Variants in EIF3B observed in about 807,000 individuals in gnomAD.
The protein encoded by EIF3B is eukaryotic translation initiation factor 3 subunit 9.
Under a neutral mutation model 104.6 loss-of-function variants are expected in EIF3B, and 10 were observed. That is an observed-to-expected ratio of 0.10 (90% CI 0.06 to 0.16). The LOEUF (loss-of-function observed/expected upper bound fraction) is 0.16, where lower values mean the gene tolerates loss of function less well. Ranked by LOEUF, EIF3B falls within the 10% of genes least tolerant of loss-of-function variation. The pLI, the probability that EIF3B is intolerant of heterozygous loss-of-function variation, is 1.00. For missense variants in EIF3B, 1,014 were observed against 1,087.9 expected, an observed-to-expected ratio of 0.93 and a Z score of 0.96; for synonymous variants, 542 against 417.2, an observed-to-expected ratio of 1.30 and a Z score of -3.65.
At chr7:2,372,999 G>T (rs560225212) in intron 12 of EIF3B, 40 of 437,592 alleles carry the variant, frequency 9.1e-5, no homozygotes, top group Non-Finnish European at 1.4e-4. Context: ...TCTGAGCCCC[G>T]TTGAGCCCTC....
At chr7:2,362,590 CA>C (rs1562478659) in intron 2 of EIF3B, 54 bp from the exon 3 acceptor site, 2 of 1,608,542 alleles carry the variant, frequency 1.2e-6, no homozygotes, top group African/African-American at 2.7e-5. Flanking sequence ...GCGGACAGCG[CA>C]TACCTGCCTA....
intron 10 of EIF3B, 38 bp downstream of exon 10, chr7:2,369,720 C>T: frequency 6.3e-7 from 1 of 1,588,576 alleles, no homozygotes; most frequent in Non-Finnish European, 8.6e-7. Flanking sequence ...ATTCCTTATC[C>T]TGAGCTCTGA....
In EIF3B at chr7:2,355,295, C is replaced by T; in HGVS notation, c.374C>T (p.Ser125Phe). Reference protein sequence around the residue: ...ERSDSRAQAVSEDAGGNEGRA... With the variant: ...ERSDSRAQAVFEDAGGNEGRA... Reference sequence around the variant, plus strand: ...TCCGACAGCCGGGCCCAGGCGGTGTCCGAGGACGCGGGAGGAAACGAGGGC... The same window carrying T: ...TCCGACAGCCGGGCCCAGGCGGTGTTCGAGGACGCGGGAGGAAACGAGGGC... Residue 125 changes from serine to phenylalanine, a missense_variant, in exon 1 of 19, where the codon TCC becomes TTC. By Grantham distance (155) the Ser-to-Phe change is radical (BLOSUM62 -2). Coordinates refer to ENST00000360876, the MANE Select transcript of EIF3B (RefSeq NM_001037283.2). 6.5e-7 allele frequency: 1 copy of T among 1,538,364 alleles called. No individual in the cohort carries two copies.
intron 12 of EIF3B, chr7:2,373,078 G>T: frequency 3.9e-6 from 1 of 254,130 alleles, no homozygotes; most frequent in Non-Finnish European, 7.5e-6. Flanking sequence ...TTTCTCTTCT[G>T]GCTGTAGCTG....
chr7:2,369,379 C>A (rs112580498), intron 9 of EIF3B, 93 bp from the exon 10 acceptor site: 2 of 1,344,572 alleles, frequency 1.5e-6, no homozygotes, highest in Admixed American at 1.8e-5. Flanking sequence ...CATTGAGCTT[C>A]TATATAGCAA....
At position 2,355,171 on chromosome 7, in the gene EIF3B, C is replaced by T. The variant is rs1159720317; in HGVS notation, c.250C>T (p.Pro84Ser). Reference sequence around the variant, plus strand: ...GGCGGCCTCCGGCCCGTCCGAGTCGCCCTCGCCGCCGGCCGCCGAGGAGCT... The same window carrying T: ...GGCGGCCTCCGGCCCGTCCGAGTCGTCCTCGCCGCCGGCCGCCGAGGAGCT... Reference protein sequence around the residue: ...AEAASGPSESPSPPAAEELPG... With the variant: ...AEAASGPSESSSPPAAEELPG... Residue 84 changes from proline to serine, a missense_variant, in exon 1 of 19, where the codon CCC becomes TCC. Coordinates refer to ENST00000360876, the MANE Select transcript of EIF3B (RefSeq NM_001037283.2). The T allele has an allele frequency of 2.7e-6, 4 of 1,460,794 alleles. No homozygotes were observed. Among genetic ancestry groups the T allele is most frequent in the Admixed American group, 5.1e-5 (2 of 39,280 alleles). 90.5% of individuals were successfully genotyped at this position (1,460,794 alleles called of 1,614,324 possible). A position where few individuals can be genotyped will look rare whatever the true frequency, so the allele number is the denominator to read the frequency against.
intron 1 of EIF3B, among the ~76,000 whole-genome samples, chr7:2,356,266 A>G (rs1476744872): frequency 2.0e-5 from 3 of 152,176 alleles, no homozygotes; most frequent in African/African-American, 7.2e-5. Context: ...ACACCAGGAC[A>G]ATTTCGGGAA....
chr7:2,380,173 C>G (rs990701220), intron 18 of EIF3B, 31 bp from the exon 19 acceptor site: 1 of 339,778 alleles, frequency 2.9e-6, no homozygotes, highest in Non-Finnish European at 5.8e-6. Context: ...TGAGGTGGTG[C>G]CGTTTAGGGC....
At chr7:2,356,016 C>A (rs552014160) in intron 1 of EIF3B, among the ~76,000 whole-genome samples, 1 of 152,108 alleles carries the variant, frequency 6.6e-6, no homozygotes, top group African/African-American at 2.4e-5. Flanking sequence ...TTAATATTGC[C>A]GATAACAGCC....
intron 10 of EIF3B, 125 bp downstream of exon 10, chr7:2,369,807 T>A: frequency 1.3e-6 from 1 of 770,678 alleles, no homozygotes; most frequent in Non-Finnish European, 2.0e-6. Flanking sequence ...AGATGGAGTC[T>A]CACTCTGTCA....
rs1343197759 is a variant in EIF3B at position 2,355,273 on chromosome 7, G to C, written c.352G>C (p.Asp118His). 1 of 1,532,818 alleles carries C rather than the reference G, an allele frequency of 6.5e-7. No individual in the cohort carries two copies. The highest frequency in any genetic ancestry group is 1.4e-5 in the African/African-American group (1 of 72,350). The allele number at this position is 1,532,818 out of a possible 1,614,324, so 95.0% of individuals were successfully genotyped here. A position where few individuals can be genotyped will look rare whatever the true frequency, so the allele number is the denominator to read the frequency against. ...PGEQARDERS[D>H]SRAQAVSEDA... is the part of the protein sequence containing the mutation. The stretch of plus-strand genomic sequence containing the variant: ...AGAGCAGGCTCGGGACGAGCGCTCC[G>C]ACAGCCGGGCCCAGGCGGTGTCCGA... The change falls in exon 1 of 19, where the codon GAC (aspartate) becomes CAC (histidine). Residue 118 changes from aspartate to histidine, a missense_variant. By Grantham distance (81) the Asp-to-His change is moderately conservative. This residue lies in a region of EIF3B where 488 missense variants were observed against 404.3 expected (regional missense o/e 1.21). Coordinates refer to ENST00000360876, the MANE Select transcript of EIF3B (RefSeq NM_001037283.2).
At chr7:2,378,451 G>A in intron 15 of EIF3B, 1 of 197,318 alleles carries the variant, frequency 5.1e-6, no homozygotes, top group Middle Eastern at 7.1e-4. Flanking sequence ...CTCCTGGGAA[G>A]CTGTGTTGTG....
At chr7:2,363,044 G>T (rs1235197990) in intron 3 of EIF3B, 26 bp from the exon 4 acceptor site, 1 of 1,613,574 alleles carries the variant, frequency 6.2e-7, no homozygotes, top group Non-Finnish European at 8.5e-7. Context: ...AGGGCGTGGG[G>T]CTCAGCAGTC....
In EIF3B at chr7:2,366,352, A is replaced by G; in HGVS notation, c.1193A>G (p.Gln398Arg). ...LVTFSPLMDTQDDPQAIIIWD... is the reference protein window; with the variant it reads ...LVTFSPLMDTRDDPQAIIIWD... ...ACCTTTAGCCCCCTGATGGACACGC[A>G]GGATGACCCTCAGGCCATAATCATC... Residue 398 changes from glutamine to arginine, a missense_variant, in exon 7 of 19, where the codon CAG becomes CGG. Coordinates refer to ENST00000360876, the MANE Select transcript of EIF3B (RefSeq NM_001037283.2). 1 of 1,613,228 alleles carries G rather than the reference A, an allele frequency of 6.2e-7. No individual in the cohort carries two copies. Among genetic ancestry groups the G allele is most frequent in the Non-Finnish European group, 8.5e-7 (1 of 1,179,626 alleles).
chr7:2,371,689 T>A, intron 10 of EIF3B, 88 bp from the exon 11 acceptor site: 1 of 1,064,234 alleles, frequency 9.4e-7, no homozygotes, highest in Non-Finnish European at 1.5e-6. Context: ...ACACTGAATC[T>A]TTCATTGTGA....
intron 6 of EIF3B, among the ~76,000 whole-genome samples, chr7:2,365,854 T>G (rs1011714763): frequency 5.3e-5 from 8 of 152,094 alleles, no homozygotes; most frequent in African/African-American, 1.4e-4. Context: ...TTTTGTATTT[T>G]TAGTAGAGAC....
At chr7:2,366,082 C>T (rs1469290871) in intron 6 of EIF3B, among the ~76,000 whole-genome samples, 4 of 152,070 alleles carry the variant, frequency 2.6e-5, no homozygotes. Flanking sequence ...TGTGTGGGAT[C>T]GGTGAGATCT....
At chr7:2,370,461 C>G (rs1286169978) in intron 10 of EIF3B, among the ~76,000 whole-genome samples, 1 of 151,988 alleles carries the variant, frequency 6.6e-6, no homozygotes, top group African/African-American at 2.4e-5. Context: ...AGCCTGGCGA[C>G]AGAGCCAGAC....
chr7:2,371,171 A>G (rs941421721), intron 10 of EIF3B, among the ~76,000 whole-genome samples: 1 of 152,226 alleles, frequency 6.6e-6, no homozygotes, highest in Non-Finnish European at 1.5e-5. Context: ...TGATTTCCCT[A>G]TTCTGAACAC....
Sources: gnomAD v4.1 joint callset for allele counts (sites outside exome capture counted in the v4.1 genomes callset) on GRCh38, gnomAD v4.1.1 for gene constraint, gnomAD v4.1.1 regional missense constraint, MANE v1.5 for transcripts, NCBI Gene and HGNC (gene_info 2026-07-23, HGNC 2026-07-21) for gene names.